LYST: variants seen among roughly 807,000 people sequenced by gnomAD.
LYST encodes the protein lysosomal trafficking regulator.
LYST carries 192 observed loss-of-function variants against 413.6 expected under a neutral mutation model. The observed-to-expected ratio is 0.46, with a 90% CI of 0.41 to 0.52. The LOEUF is 0.52. LYST is among the 20% of genes least tolerant of loss of function. The probability of loss-of-function intolerance (pLI) is 0.00; values close to 1 mark genes in which losing one functional copy is unlikely to be tolerated. For synonymous variants in LYST, 1,525 were observed against 1,567.3 expected (o/e 0.97, Z 0.64); for missense variants, 3,815 against 4,499.9 (o/e 0.85, Z 4.35).
chr1:235,734,807 A>T (rs1050016557), intron 31 of LYST, 148 bp from the exon 32 acceptor site: 2 of 592,138 alleles, frequency 3.4e-6, no homozygotes, highest in African/African-American at 3.7e-5. Flanking sequence ...GAGGATAAGT[A>T]CAGAAATCTG....
chr1:235,800,724 C>A, intron 9 of LYST, 147 bp downstream of exon 9: 1 of 632,298 alleles, frequency 1.6e-6, no homozygotes, highest in Non-Finnish European at 2.8e-6. Context: ...TTTTGGAATA[C>A]CACTTGTAGG....
intron 20 of LYST, among the ~76,000 whole-genome samples, chr1:235,768,754 G>A (rs1002346128): frequency 2.6e-5 from 4 of 152,104 alleles, no homozygotes; most frequent in Middle Eastern, 3.4e-3. Flanking sequence ...TGAACTTAAT[G>A]AAAATTGGCC....
intron 14 of LYST, among the ~76,000 whole-genome samples, chr1:235,786,644 C>T (rs9970156): frequency 0.027 from 4,118 of 152,060 alleles, 165 homozygotes; most frequent in African/African-American, 0.094. Flanking sequence ...GACTTGGAAC[C>T]AACCCAAATG....
chr1:235,806,829 T>A, intron 5 of LYST, 57 bp from the exon 6 acceptor site: 1 of 1,084,208 alleles, frequency 9.2e-7, no homozygotes, highest in Non-Finnish European at 1.4e-6. Flanking sequence ...CATTTATAAA[T>A]AGGTACATAT....
chr1:235,741,747 A>C, intron 30 of LYST, 119 bp from the exon 31 acceptor site: 1 of 757,772 alleles, frequency 1.3e-6, no homozygotes, highest in Non-Finnish European at 2.3e-6. Context: ...TGGTTTTAAT[A>C]GTCAAAATTA....
At chr1:235,799,547 T>C (rs1006864011) in intron 10 of LYST, among the ~76,000 whole-genome samples, 1 of 152,186 alleles carries the variant, frequency 6.6e-6, no homozygotes, top group African/African-American at 2.4e-5. Flanking sequence ...AACCTGAATT[T>C]AATCATGAGA....
chr1:235,833,429 G>T (rs1232568177), intron 2 of LYST, 149 bp downstream of exon 2: 1 of 153,058 alleles, frequency 6.5e-6, no homozygotes, highest in Admixed American at 6.6e-5. Context: ...ATATACCATT[G>T]TATGAATAAA....
intron 44 of LYST, among the ~76,000 whole-genome samples, chr1:235,705,617 C>T (rs1572036850): frequency 6.6e-6 from 1 of 152,008 alleles, no homozygotes; most frequent in African/African-American, 2.4e-5. Flanking sequence ...AACTCCTGGC[C>T]TCAAGCGATC....
chr1:235,726,248 C>A (rs895252905), intron 38 of LYST, among the ~76,000 whole-genome samples: 2 of 151,884 alleles, frequency 1.3e-5, no homozygotes, highest in African/African-American at 4.8e-5. Context: ...CTTTCCAAAA[C>A]CTTAATTTTT....
intron 3 of LYST, chr1:235,827,962 C>T (rs1675520901): frequency 2.4e-6 from 1 of 421,328 alleles, no homozygotes; most frequent in East Asian, 1.6e-4. Context: ...TGGTACAAAA[C>T]TTTTAAAGAG....
chr1:235,688,025 T>G (rs1660352296), intron 47 of LYST, among the ~76,000 whole-genome samples: 1 of 152,244 alleles, frequency 6.6e-6, no homozygotes, highest in African/African-American at 2.4e-5. Context: ...AAGGATCCAT[T>G]GGATCCAATT....
chr1:235,828,426 G>A (rs957049531), intron 3 of LYST, among the ~76,000 whole-genome samples: 3 of 152,148 alleles, frequency 2.0e-5, no homozygotes, highest in Non-Finnish European at 4.4e-5. Flanking sequence ...TTTAAGATAT[G>A]TGAATTATAT....
At chr1:235,748,849 T>G (rs186141121) in intron 28 of LYST, among the ~76,000 whole-genome samples, 1 of 152,138 alleles carries the variant, frequency 6.6e-6, no homozygotes, top group Non-Finnish European at 1.5e-5. Flanking sequence ...TTGAGTAAAT[T>G]TGTCTATTAT....
Position 235,686,810 on chromosome 1 carries a change from T to G in LYST, c.10800+139A>C. 1 of 737,706 alleles carries G rather than the reference T, an allele frequency of 1.4e-6. No individual in the cohort carries two copies. Among genetic ancestry groups the G allele is most frequent in the Non-Finnish European group, 2.4e-6 (1 of 410,402 alleles). 45.7% of individuals were successfully genotyped at this position (737,706 alleles called of 1,614,324 possible). A position where few individuals can be genotyped will look rare whatever the true frequency, so the allele number is the denominator to read the frequency against. On this transcript the variant is annotated intron_variant, in intron 48 of 52. Transcript: ENST00000389793. The surrounding 1 kb of genome is among the most constrained non-coding windows in gnomAD (Gnocchi z 4.0). ...ATGATTCTAATAAACCCTAAAGCAT[T>G]TTAAGACCTAATGTAGGGAGAAGAT...
intron 44 of LYST, among the ~76,000 whole-genome samples, chr1:235,707,750 C>T (rs151059404): frequency 5.9e-4 from 90 of 152,204 alleles, no homozygotes; most frequent in Non-Finnish European, 1.2e-3. Context: ...CAAATCCTAA[C>T]TAAATATCCA....
chr1:235,799,928 CTTTTTTTTTTTTTTTTTTTTTTTT>C (rs67988872), intron 10 of LYST, among the ~76,000 whole-genome samples: 126 of 63,498 alleles, frequency 2.0e-3, no homozygotes, highest in African/African-American at 7.2e-3. Context: ...CAATGGAAGC[CTTTTTTTTTTTTTTTTTTTTTTTT>C]TTTTTTTTTT....
intron 45 of LYST, 93 bp from the exon 46 acceptor site, chr1:235,697,365 T>A (rs1661193510): frequency 2.3e-6 from 2 of 886,630 alleles, no homozygotes; most frequent in Non-Finnish European, 3.5e-6. Flanking sequence ...TAAGAGAAAG[T>A]AATATGGATT....
intron 3 of LYST, among the ~76,000 whole-genome samples, chr1:235,826,353 T>G (rs1419708683): frequency 3.9e-5 from 6 of 152,210 alleles, no homozygotes; most frequent in Admixed American, 3.3e-4. Flanking sequence ...TTATTCATAA[T>G]AGCCAAATGC....
At chr1:235,777,652 A>T (rs1669407746) in intron 16 of LYST, among the ~76,000 whole-genome samples, 1 of 152,206 alleles carries the variant, frequency 6.6e-6, no homozygotes, top group African/African-American at 2.4e-5. Context: ...TATTCTAAGC[A>T]CTTAAAAATA....
Sources: allele counts gnomAD v4.1 joint callset (sites outside exome capture counted in the v4.1 genomes callset), GRCh38; gene constraint gnomAD v4.1.1; non-coding constraint Gnocchi (gnomAD v3.1); transcripts MANE v1.5; gene names NCBI Gene and HGNC (gene_info 2026-07-23, HGNC 2026-07-21).